SLC2A14: variants seen among roughly 807,000 people sequenced by gnomAD.
SLC2A14 encodes solute carrier family 2, facilitated glucose transporter member 14.
A neutral mutation model predicts 43.0 loss-of-function variants in SLC2A14; 13 were observed. The observed-to-expected ratio is 0.30, with a 90% CI of 0.20 to 0.48. SLC2A14 has a LOEUF of 0.48. Among genes scored for constraint, SLC2A14 ranks in the 20% least tolerant of loss-of-function variants. SLC2A14 has a pLI of 0.99. For missense variants in SLC2A14, 428 were observed against 620.4 expected (o/e 0.69, Z 3.29); for synonymous variants, 190 against 233.8 (o/e 0.81, Z 1.71).
At chr12:7,836,824 T>C (rs753193970) in intron 2 of SLC2A14, among the ~76,000 whole-genome samples, 1 of 136,450 alleles carries the variant, frequency 7.3e-6, no homozygotes, top group Non-Finnish European at 1.6e-5. Flanking sequence ...TGACCAAGTG[T>C]TCAATTTTAC....
At chr12:7,850,055 A>T (rs987917297) in intron 2 of SLC2A14, among the ~76,000 whole-genome samples, 10 of 150,590 alleles carry the variant, frequency 6.6e-5, no homozygotes, top group Non-Finnish European at 1.2e-4. Context: ...AGAGCCAAGA[A>T]TCACGAGATT....
At chr12:7,852,869 A>AT (rs954137574) in intron 2 of SLC2A14, among the ~76,000 whole-genome samples, 1 of 152,088 alleles carries the variant, frequency 6.6e-6, no homozygotes, top group Non-Finnish European at 1.5e-5. Context: ...AAACTCATTT[A>AT]TTTTGTATAT....
At chr12:7,873,068 C>T, upstream of SLC2A14, 1 of 985,504 alleles carries the variant, frequency 1.0e-6, no homozygotes, top group Non-Finnish European at 1.2e-6. Context: ...TCCGGCCCCT[C>T]CCGGCTTCTC....
intron 2 of SLC2A14, among the ~76,000 whole-genome samples, chr12:7,859,625 A>G (rs907812489): frequency 9.9e-5 from 15 of 152,128 alleles, no homozygotes; most frequent in Non-Finnish European, 1.3e-4. Flanking sequence ...AGGACTGATG[A>G]CAGTAGGAAT....
At chr12:7,877,409 GGAGA>G (rs3044917), upstream of SLC2A14, among the ~76,000 whole-genome samples, 940 of 152,120 alleles carry the variant, frequency 6.2e-3, 6 homozygotes, top group Non-Finnish European at 9.9e-3. Context: ...CCTGGGCTTA[GGAGA>G]GAGAGTACAA....
At chr12:7,875,160 A>ATATATAAATATTATATTTAAAATTAAATT, upstream of SLC2A14, among the ~76,000 whole-genome samples, 2 of 132,994 alleles carry the variant, frequency 1.5e-5, no homozygotes, top group Non-Finnish European at 3.2e-5. Context: ...AAAATTAAAT[A>ATATATAAATATTATATTTAAAATTAAATT]TATATATTTA....
intron 1 of SLC2A14, among the ~76,000 whole-genome samples, chr12:7,887,004 C>A (rs908551607): frequency 6.6e-6 from 1 of 151,348 alleles, no homozygotes; most frequent in Non-Finnish European, 1.5e-5. Context: ...CTCCGCCTCC[C>A]AGGTTCAAGC....
upstream of SLC2A14, among the ~76,000 whole-genome samples, chr12:7,878,141 C>T (rs147830294): frequency 2.6e-5 from 4 of 152,286 alleles, no homozygotes; most frequent in African/African-American, 9.6e-5. Flanking sequence ...ACCTCTGCCT[C>T]CTGGGTTCAA....
rs150006775 is a variant in SLC2A14, at chr12:7,822,994, T to A, written c.865-1669A>T. Among the ~76,000 whole-genome samples, 112 of 152,332 alleles carry A rather than the reference T, an allele frequency of 7.4e-4. 3 individuals are homozygous for A. The East Asian group carries it at 0.02, about 27-fold the overall frequency. On this transcript the variant is annotated intron_variant, in intron 7 of 10. Transcript: ENST00000431042. ...TGTATTTCCTAGGCCTAGGCCCTTT[T>A]GAAGTGTTTTATGAAATAATACCAG...
upstream of SLC2A14, among the ~76,000 whole-genome samples, chr12:7,874,272 A>G (rs781603069): frequency 6.6e-5 from 10 of 152,260 alleles, no homozygotes; most frequent in Non-Finnish European, 1.5e-4. Flanking sequence ...CCCACGATCC[A>G]AGAATTCCAC....
chr12:7,883,306 C>T lies in SLC2A14; in HGVS notation c.132+7690G>A, dbSNP rs145095336. Among the ~76,000 whole-genome samples the T allele has an allele frequency of 5.3e-3, 611 of 115,696 alleles. 3 individuals are homozygous for T. Among genetic ancestry groups the T allele is most frequent in the African/African-American group, 0.019 (553 of 29,152 alleles). 75.9% of individuals were successfully genotyped at this position (115,696 alleles called of 152,430 possible). On this transcript the variant is annotated intron_variant, in intron 1 of 9. Transcript: ENST00000539924. ...TTTTTGAGATGGAGTCTTGCTTTGT[C>T]TCCCAGGGTGGAGTGCAGGGGCGTG...
In SLC2A14 at chr12:7,831,630, G is replaced by A. The variant is rs768243995; in HGVS notation, c.246C>T (p.Val82=). Reference sequence around the variant, plus strand: ...TGCCAAAGCGGTTAACAAAGAGTCCGACGGAAAAGGAGCCGATCATACCCC... The same window carrying A: ...TGCCAAAGCGGTTAACAAAGAGTCCAACGGAAAAGGAGCCGATCATACCCC... ...SVGGMIGSFS[V]GLFVNRFGRR... is the part of the protein sequence containing the mutation. Residue 82 remains valine, a synonymous_variant, in exon 4 of 11, where the codon GTC becomes GTT. Transcript: ENST00000431042. 4 of 1,614,116 alleles carry A rather than the reference G, an allele frequency of 2.5e-6. No individual in the cohort carries two copies. The highest frequency in any genetic ancestry group is 2.7e-5 in the African/African-American group (2 of 75,008).
At chr12:7,885,090 C>G (rs981976587) in intron 1 of SLC2A14, among the ~76,000 whole-genome samples, 8 of 152,080 alleles carry the variant, frequency 5.3e-5, no homozygotes, top group African/African-American at 1.9e-4. Flanking sequence ...ATATTAAAAG[C>G]CTTTAGTTAG....
chr12:7,832,595 C>T (rs970110422), intron 3 of SLC2A14, 127 bp downstream of exon 3: 1 of 974,058 alleles, frequency 1.0e-6, no homozygotes, highest in African/African-American at 1.6e-5. Context: ...TAAGCCTCAG[C>T]CTCCGGAGTA....
intron 1 of SLC2A14, chr12:7,890,982 C>T (rs964201763): frequency 2.6e-6 from 4 of 1,533,562 alleles, no homozygotes; most frequent in Non-Finnish European, 3.5e-6. Context: ...CATGATCTAT[C>T]TAGTTCCACT....
intron 2 of SLC2A14, chr12:7,850,923 A>C (rs974889036): frequency 1.2e-4 from 18 of 152,122 alleles, no homozygotes; most frequent in African/African-American, 3.9e-4. Context: ...GCTTTGCCTC[A>C]GTTAAAATGT....
intron 2 of SLC2A14, among the ~76,000 whole-genome samples, chr12:7,864,632 C>G (rs985482555): frequency 5.3e-5 from 8 of 152,178 alleles, no homozygotes; most frequent in Admixed American, 4.6e-4. Context: ...GCCACCGTGC[C>G]CGGCTGAGCT....
Position 7,832,488 on chromosome 12 carries a change from A to G in SLC2A14, c.111+234T>C, listed in dbSNP as rs747385867. 7.9e-5 allele frequency among the ~76,000 whole-genome samples: 12 copies of G among 152,296 alleles called. No individual in the cohort carries two copies. In the South Asian group the frequency reaches 8.3e-4, roughly 11 times the overall value. ...ATTGTCTCCATCTTCAGTCTTGGAC[A>G]GGATAGATACAAAGTTTAATTCCCC... On this transcript the variant is annotated intron_variant, in intron 3 of 10. Transcript: ENST00000431042.
chr12:7,833,504 T>G (rs1865200701), intron 2 of SLC2A14, among the ~76,000 whole-genome samples: 1 of 152,220 alleles, frequency 6.6e-6, no homozygotes, highest in African/African-American at 2.4e-5. Context: ...CGGTGGCTCA[T>G]GCCTGTCATC....
Sources: allele counts gnomAD v4.1 joint callset (sites outside exome capture counted in the v4.1 genomes callset), GRCh38; gene constraint gnomAD v4.1.1; transcripts MANE v1.5; gene names NCBI Gene and HGNC (gene_info 2026-07-23, HGNC 2026-07-21).